The following MEOX2 variants were observed in gnomAD, a reference collection of about 807,000 sequenced individuals.
The protein encoded by MEOX2 is homeobox protein MOX-2.
A neutral mutation model predicts 27.0 loss-of-function variants in MEOX2; 11 were observed. That is an observed-to-expected ratio of 0.41 (90% CI 0.26 to 0.68). The LOEUF (loss-of-function observed/expected upper bound fraction) is 0.68. Among genes scored for constraint, MEOX2 ranks in the 30% least tolerant of loss-of-function variants. MEOX2 has a pLI of 0.33. For missense variants in MEOX2, 436 were observed against 385.4 expected, an observed-to-expected ratio of 1.13 and a Z score of -1.10; for synonymous variants, 189 against 155.4, an observed-to-expected ratio of 1.22 and a Z score of -1.61.
chr7:15,676,212 T>A (rs1412044526), intron 1 of MEOX2: 1 of 152,202 alleles, frequency 6.6e-6, no homozygotes, highest in Non-Finnish European at 1.5e-5. Context: ...AATAACGTAT[T>A]AAATATGCAA....
At chr7:15,627,582 A>G (rs1180452241) in intron 1 of MEOX2, among the ~76,000 whole-genome samples, 2 of 152,082 alleles carry the variant, frequency 1.3e-5, no homozygotes, top group Non-Finnish European at 2.9e-5. Context: ...TATATATAAG[A>G]TAAACATAAG....
chr7:15,667,315 A>AAAAAAAAAAAAAAATTT (rs1782025388), intron 1 of MEOX2, among the ~76,000 whole-genome samples: 1 of 143,484 alleles, frequency 7.0e-6, no homozygotes, highest in Non-Finnish European at 1.5e-5. Context: ...AAAAAAAAGT[A>AAAAAAAAAAAAAAATTT]GGAAATAAGA....
chr7:15,653,324 AT>A (rs1215456789), intron 1 of MEOX2, among the ~76,000 whole-genome samples: 1 of 151,784 alleles, frequency 6.6e-6, no homozygotes, highest in Non-Finnish European at 1.5e-5. Flanking sequence ...CCACTTTCGT[AT>A]TTGATTTTTT....
intron 1 of MEOX2, among the ~76,000 whole-genome samples, chr7:15,667,455 G>A (rs1414786564): frequency 9.2e-5 from 14 of 151,836 alleles, no homozygotes; most frequent in Admixed American, 8.5e-4. Context: ...TCCATCTTTG[G>A]CTTCCCTATT....
intron 2 of MEOX2, among the ~76,000 whole-genome samples, chr7:15,623,731 TATGTGTGCATAGAA>T: frequency 6.6e-6 from 1 of 152,324 alleles, no homozygotes; most frequent in Non-Finnish European, 1.5e-5. Context: ...CTTAAGATAA[TATGTGTGCATAGAA>T]ATGTTGGAAT....
intron 1 of MEOX2, among the ~76,000 whole-genome samples, chr7:15,656,815 A>T (rs1781828305): frequency 6.6e-6 from 1 of 151,926 alleles, no homozygotes; most frequent in East Asian, 1.9e-4. Context: ...TTCTAAGATT[A>T]CTTCCTTTAT....
chr7:15,628,402 C>A (rs6461198), intron 1 of MEOX2, among the ~76,000 whole-genome samples: 99,387 of 151,930 alleles, frequency 0.65, 32,763 homozygotes, highest in East Asian at 0.81. Context: ...TGCCTCAACA[C>A]CTTGGCACAC....
Position 15,612,028 on chromosome 7 carries a change from C to G in MEOX2, c.*359G>C. 2 of 257,528 alleles carry G rather than the reference C, an allele frequency of 7.8e-6. No homozygotes were observed. Among genetic ancestry groups the G allele is most frequent in the Non-Finnish European group, 1.5e-5 (2 of 130,648 alleles). The allele number at this position is 257,528 out of a possible 1,614,324, so 16.0% of individuals were successfully genotyped here. A position where few individuals can be genotyped will look rare whatever the true frequency, so the allele number is the denominator to read the frequency against. ...GGAATGTTCAATGCAAGTTCATCCT[C>G]GGCATCTTCACTCTGGAGACATCTT... On this transcript the variant is annotated 3_prime_UTR_variant, in exon 3 of 3. Coordinates refer to ENST00000262041, the MANE Select transcript of MEOX2 (RefSeq NM_005924.5).
At chr7:15,635,884 G>A (rs1025865890) in intron 1 of MEOX2, among the ~76,000 whole-genome samples, 1 of 151,952 alleles carries the variant, frequency 6.6e-6, no homozygotes. Flanking sequence ...CACTTTACAA[G>A]GCTTAGTGGT....
At chr7:15,685,150 C>T (rs1440722941) in intron 1 of MEOX2, among the ~76,000 whole-genome samples, 2 of 152,218 alleles carry the variant, frequency 1.3e-5, no homozygotes, top group Non-Finnish European at 2.9e-5. Flanking sequence ...ACTTTTGAAA[C>T]TTAGGTTCTG....
intron 1 of MEOX2, among the ~76,000 whole-genome samples, chr7:15,643,298 C>G (rs564897015): frequency 3.3e-5 from 5 of 152,200 alleles, no homozygotes. Context: ...GGGGTATGTT[C>G]TGCACTCTGC....
chr7:15,638,631 C>T (rs1781518665), intron 1 of MEOX2, among the ~76,000 whole-genome samples: 1 of 152,042 alleles, frequency 6.6e-6, no homozygotes, highest in Admixed American at 6.6e-5. Context: ...ACCCTCTCCT[C>T]CTTCTCTCTC....
intron 1 of MEOX2, among the ~76,000 whole-genome samples, chr7:15,676,794 G>T (rs1019080894): frequency 6.6e-6 from 1 of 151,708 alleles, no homozygotes; most frequent in Admixed American, 6.6e-5. Flanking sequence ...GACAGCAGAG[G>T]TTGCAGTGAG....
At position 15,622,272 on chromosome 7, in the gene MEOX2, T is replaced by C. The variant is rs149719431; in HGVS notation, c.690+4474A>G. Among the ~76,000 whole-genome samples the C allele has an allele frequency of 6.6e-5, 10 of 152,258 alleles. No individual in the cohort carries two copies. In the East Asian group the frequency reaches 1.9e-3, roughly 29 times the overall value. ...TTATATGCATACACATACATATATA[T>C]CTGTGTATATGTGTGTGTATGTGTT... On this transcript the variant is annotated intron_variant, in intron 2 of 2. Transcript: ENST00000262041.
At chr7:15,614,818 T>C (rs1256277339) in intron 2 of MEOX2, among the ~76,000 whole-genome samples, 3 of 152,142 alleles carry the variant, frequency 2.0e-5, no homozygotes, top group African/African-American at 7.2e-5. Context: ...CTGTAAATAG[T>C]GCTATGGAGA....
intron 1 of MEOX2, among the ~76,000 whole-genome samples, chr7:15,650,049 G>C (rs755697473): frequency 1.3e-5 from 2 of 152,084 alleles, no homozygotes; most frequent in African/African-American, 2.4e-5. Flanking sequence ...TTAAGGATCA[G>C]TAATAAATAG....
intron 2 of MEOX2, among the ~76,000 whole-genome samples, chr7:15,622,732 G>A (rs1781239664): frequency 6.6e-6 from 1 of 152,062 alleles, no homozygotes; most frequent in Non-Finnish European, 1.5e-5. Context: ...TCTAAGTAAT[G>A]GAATAGCCAT....
chr7:15,632,827 C>A (rs545708599), intron 1 of MEOX2, among the ~76,000 whole-genome samples: 2 of 151,904 alleles, frequency 1.3e-5, no homozygotes, highest in Non-Finnish European at 2.9e-5. Flanking sequence ...CTTTATGGCT[C>A]TTGCTATAGT....
rs916063845 is a variant in MEOX2 at position 15,619,641 on chromosome 7, T to C, written c.691-7030A>G. Among the ~76,000 whole-genome samples, 17 of 151,968 alleles carry C rather than the reference T, an allele frequency of 1.1e-4. 1 individual carries two copies. Among genetic ancestry groups the C allele is most frequent in the African/African-American group, 4.1e-4 (17 of 41,504 alleles). On this transcript the variant is annotated intron_variant, in intron 2 of 2. Transcript: ENST00000262041. ...ACACATACACACATATACACAGATA[T>C]GTGTGTGTGTATATATATCTATAGA...
Sources: allele counts gnomAD v4.1 joint callset (sites outside exome capture counted in the v4.1 genomes callset), GRCh38; gene constraint gnomAD v4.1.1; transcripts MANE v1.5; gene names NCBI Gene and HGNC (gene_info 2026-07-23, HGNC 2026-07-21).